The following PCNX1 variants were observed in gnomAD, a reference collection of about 807,000 sequenced individuals.
PCNX1 encodes pecanex-like protein 1.
Under a neutral mutation model 242.2 loss-of-function variants are expected in PCNX1, and 78 were observed. The observed-to-expected ratio is 0.32, with a 90% CI of 0.27 to 0.39. PCNX1 has a LOEUF of 0.39. Ranked by LOEUF, PCNX1 falls within the 10% of genes least tolerant of loss-of-function variation. The pLI is 1.00. For missense variants in PCNX1, 2,581 were observed against 2,856.5 expected, an observed-to-expected ratio of 0.90 and a Z score of 2.20; for synonymous variants, 1,024 against 1,032.9, an observed-to-expected ratio of 0.99 and a Z score of 0.17.
At position 71,009,750 on chromosome 14, in the gene PCNX1, G is replaced by A. The variant is rs1029733765; in HGVS notation, c.2720+26G>A. ...GTATGTGTGAAGTCATATTAGGAGT[G>A]TGTGTACTTTCATATGTTTGCCATA... On this transcript the variant is annotated intron_variant, in intron 9 of 35. Transcript: ENST00000304743. The A allele has an allele frequency of 7.7e-6, 10 of 1,307,016 alleles. No homozygotes were observed. In the African/African-American group the frequency reaches 1.0e-4, roughly 13 times the overall value. 81.0% of individuals were successfully genotyped at this position (1,307,016 alleles called of 1,614,324 possible). A position where few individuals can be genotyped will look rare whatever the true frequency, so the allele number is the denominator to read the frequency against.
chr14:70,914,927 C>T (rs1372705686), intron 1 of PCNX1, among the ~76,000 whole-genome samples: 1 of 152,100 alleles, frequency 6.6e-6, no homozygotes, highest in Non-Finnish European at 1.5e-5. Context: ...ATAGTTTCTG[C>T]TTGACCTTCT....
chr14:71,028,009 TTTA>T (rs1261159532), intron 15 of PCNX1, among the ~76,000 whole-genome samples: 3 of 151,870 alleles, frequency 2.0e-5, no homozygotes, highest in African/African-American at 7.2e-5. Context: ...GTAGATTTCT[TTTA>T]TTATTATTAA....
At chr14:71,009,045 A>G (rs2059748945) in intron 8 of PCNX1, among the ~76,000 whole-genome samples, 1 of 152,208 alleles carries the variant, frequency 6.6e-6, no homozygotes, top group African/African-American at 2.4e-5. Flanking sequence ...GGCTGTAGCA[A>G]TTGCTGTTTC....
intron 15 of PCNX1, 125 bp downstream of exon 15, chr14:71,027,007 C>A (rs1410913956): frequency 1.0e-5 from 5 of 500,898 alleles, no homozygotes; most frequent in African/African-American, 2.0e-5. Flanking sequence ...AAAAAAAAGA[C>A]ATTAAGTGAT....
At chr14:71,007,302 A>C (rs971082783) in intron 8 of PCNX1, among the ~76,000 whole-genome samples, 1 of 152,066 alleles carries the variant, frequency 6.6e-6, no homozygotes, top group South Asian at 2.1e-4. Flanking sequence ...TAATGACATC[A>C]TATTCTTTTA....
intron 12 of PCNX1, among the ~76,000 whole-genome samples, chr14:71,019,525 C>T (rs2060042281): frequency 6.6e-6 from 1 of 152,116 alleles, no homozygotes; most frequent in Non-Finnish European, 1.5e-5. Context: ...CCTCAGCCTC[C>T]TGAGTAGCTG....
At chr14:71,019,549 A>G (rs1305867202) in intron 12 of PCNX1, among the ~76,000 whole-genome samples, 1 of 151,972 alleles carries the variant, frequency 6.6e-6, no homozygotes, top group Non-Finnish European at 1.5e-5. Context: ...TTACAGGCGC[A>G]TGCCACCATG....
chr14:70,948,914 T>G (rs1264370248), intron 2 of PCNX1, among the ~76,000 whole-genome samples: 6 of 148,372 alleles, frequency 4.0e-5, no homozygotes, highest in Non-Finnish European at 9.0e-5. Context: ...TATATACGTA[T>G]ATATGTGTAT....
intron 1 of PCNX1, among the ~76,000 whole-genome samples, chr14:70,920,542 C>CTAA (rs2140085582): frequency 6.6e-6 from 1 of 152,228 alleles, no homozygotes; most frequent in East Asian, 1.9e-4. Flanking sequence ...TTTGAATAAC[C>CTAA]TAATACAGGC....
At chr14:70,932,804 G>A (rs1241166010) in intron 1 of PCNX1, among the ~76,000 whole-genome samples, 3 of 151,752 alleles carry the variant, frequency 2.0e-5, no homozygotes, top group Non-Finnish European at 4.4e-5. Context: ...TAGAGACGGG[G>A]TTTCACCATG....
intron 28 of PCNX1, among the ~76,000 whole-genome samples, chr14:71,082,039 G>A (rs181846231): frequency 1.3e-5 from 2 of 152,192 alleles, no homozygotes; most frequent in Admixed American, 1.3e-4. Flanking sequence ...CTGTGTCTCA[G>A]AGATTCTGGT....
chr14:70,960,704 A>C (rs2140464337), intron 2 of PCNX1, among the ~76,000 whole-genome samples: 1 of 152,284 alleles, frequency 6.6e-6, no homozygotes, highest in Middle Eastern at 3.4e-3. Flanking sequence ...GTATTCAATT[A>C]GGAAAAGAGG....
At chr14:71,073,042 G>C (rs2061624019) in intron 26 of PCNX1, among the ~76,000 whole-genome samples, 1 of 152,226 alleles carries the variant, frequency 6.6e-6, no homozygotes, top group East Asian at 1.9e-4. Flanking sequence ...GGTGGCTCAT[G>C]CCTGTAATCT....
chr14:70,966,666 AAGAAGG>A (rs2058388375), intron 3 of PCNX1, among the ~76,000 whole-genome samples: 1 of 152,206 alleles, frequency 6.6e-6, no homozygotes, highest in Non-Finnish European at 1.5e-5. Context: ...GAGATTGTTA[AAGAAGG>A]AGAAAGGGAA....
At chr14:71,039,872 C>G (rs753118415) in intron 19 of PCNX1, among the ~76,000 whole-genome samples, 2 of 152,172 alleles carry the variant, frequency 1.3e-5, no homozygotes, top group Non-Finnish European at 2.9e-5. Flanking sequence ...CTATGTCTTT[C>G]ATCTGTAGGG....
chr14:70,962,663 G>T (rs2058258694), intron 3 of PCNX1, among the ~76,000 whole-genome samples: 1 of 147,348 alleles, frequency 6.8e-6, no homozygotes, highest in South Asian at 2.2e-4. Flanking sequence ...GTTACCCCCA[G>T]TTTAAACGTG....
At chr14:71,084,003 T>G (rs1272519010) in intron 28 of PCNX1, among the ~76,000 whole-genome samples, 3 of 152,224 alleles carry the variant, frequency 2.0e-5, no homozygotes, top group African/African-American at 7.2e-5. Flanking sequence ...ACCTTTGGTC[T>G]TTGATGCTGG....
At position 70,949,980 on chromosome 14, in the gene PCNX1, T is replaced by C. The variant is rs1342527401; in HGVS notation, c.362+2857T>C. On this transcript the variant is annotated intron_variant, in intron 2 of 35. Coordinates refer to ENST00000304743, the MANE Select transcript of PCNX1 (RefSeq NM_014982.3). ...GCAGTTGTTTCCACTGAGCATAATATGAAATATTTCAGACATCAAGACATA... is the reference window on the plus strand; with the variant it reads ...GCAGTTGTTTCCACTGAGCATAATACGAAATATTTCAGACATCAAGACATA... Among the ~76,000 whole-genome samples, 6 of 152,188 alleles carry C rather than the reference T, an allele frequency of 3.9e-5. No individual in the cohort carries two copies. In the East Asian group the frequency reaches 1.2e-3, roughly 29 times the overall value.
rs1427824865 is a variant in PCNX1, at chr14:70,971,294, G to A, written c.604+2184G>A. On this transcript the variant is annotated intron_variant, in intron 5 of 35. Coordinates refer to ENST00000304743, the MANE Select transcript of PCNX1 (RefSeq NM_014982.3). ...CGAGTAGCTGGGACTACAGGCGCCCGCCACCGCGCCCGGCTAATTTTTTGT... is the reference window on the plus strand; with the variant it reads ...CGAGTAGCTGGGACTACAGGCGCCCACCACCGCGCCCGGCTAATTTTTTGT... 7.5e-5 allele frequency among the ~76,000 whole-genome samples: 4 copies of A among 53,366 alleles called. 1 individual carries two copies. Among genetic ancestry groups the A allele is most frequent in the African/African-American group, 2.1e-4 (3 of 14,070 alleles). 35.0% of individuals were successfully genotyped at this position (53,366 alleles called of 152,430 possible).
Sources: gnomAD v4.1 joint callset for allele counts (sites outside exome capture counted in the v4.1 genomes callset) on GRCh38, gnomAD v4.1.1 for gene constraint, MANE v1.5 for transcripts, NCBI Gene and HGNC (gene_info 2026-07-23, HGNC 2026-07-21) for gene names.